The following CHAC1 variants were observed in gnomAD, a reference collection of about 807,000 sequenced individuals.
CHAC1 encodes the protein glutathione-specific gamma-glutamylcyclotransferase 1.
Under a neutral mutation model 22.1 loss-of-function variants are expected in CHAC1, and 22 were observed. That is an observed-to-expected ratio of 1.00 (90% confidence interval 0.71 to 1.42). The LOEUF (loss-of-function observed/expected upper bound fraction) is 1.42, where lower values mean the gene tolerates loss of function less well. Among genes scored for constraint, CHAC1 ranks in the 40% most tolerant of loss-of-function variants. CHAC1 has a pLI of 0.00. For missense variants in CHAC1, 272 were observed against 299.2 expected, an observed-to-expected ratio of 0.91 and a Z score of 0.67; for synonymous variants, 145 against 128.7, an observed-to-expected ratio of 1.13 and a Z score of -0.86.
intron 2 of CHAC1, 106 bp downstream of exon 2, chr15:40,954,369 C>A: frequency 8.6e-7 from 1 of 1,160,104 alleles, no homozygotes; most frequent in Non-Finnish European, 1.3e-6. Context: ...TGATGCTTCT[C>A]TGGCAGAGTA....
At chr15:40,953,849 G>T (rs372023541) in intron 1 of CHAC1, 35 bp downstream of exon 1, 1 of 1,510,584 alleles carries the variant, frequency 6.6e-7, no homozygotes, top group East Asian at 2.3e-5. Context: ...GAGTGAGGGG[G>T]TTGGGGGCGG....
At chr15:40,954,579 T>G in intron 2 of CHAC1, among the ~76,000 whole-genome samples, 1 of 134,726 alleles carries the variant, frequency 7.4e-6, no homozygotes, top group East Asian at 3.3e-4. Flanking sequence ...TCAACTGTTT[T>G]TTTTTTTTGT....
In CHAC1 at chr15:40,955,901, T is replaced by C. The variant is rs1382468589; in HGVS notation, c.*127T>C. 1.0e-5 allele frequency: 10 copies of C among 979,430 alleles called. No individual in the cohort carries two copies. The Admixed American group carries it at 1.2e-4, about 11-fold the overall frequency. 60.7% of individuals were successfully genotyped at this position (979,430 alleles called of 1,614,324 possible). A position where few individuals can be genotyped will look rare whatever the true frequency, so the allele number is the denominator to read the frequency against. ...TATGGTGGGTGGCTGGAGGCTTCTC[T>C]TTCTCAGTCCCTGCCTGTCTGCCAG... On this transcript the variant is annotated 3_prime_UTR_variant, in exon 3 of 3. Coordinates refer to ENST00000617768, the MANE Select transcript of CHAC1 (RefSeq NM_024111.6).
At position 40,955,258 on chromosome 15, in the gene CHAC1, C is replaced by T. The variant is rs1445696032; in HGVS notation, c.268-115C>T. 26 of 1,158,372 alleles carry T rather than the reference C, an allele frequency of 2.2e-5. No homozygotes were observed. The East Asian group carries it at 2.9e-4, about 13-fold the overall frequency. The allele number at this position is 1,158,372 out of a possible 1,614,324, so 71.8% of individuals were successfully genotyped here. ...TACTGCCACCAGATGGCTCATCAGC[C>T]GACCACAGCCTCCCTTATAGAGCAC... On this transcript the variant is annotated intron_variant, in intron 2 of 2. Coordinates refer to ENST00000617768, the MANE Select transcript of CHAC1 (RefSeq NM_024111.6).
In CHAC1 at chr15:40,954,604, TTTTG is replaced by T. The variant is rs1566886124; in HGVS notation, c.267+353_267+356del. Reference sequence around the variant, plus strand: ...TTTTTTTTTGTTGTTGTTGTTGTTGTTTTGTTTGTTTGTTTTTGAGACAGAGTCT... The same window carrying T: ...TTTTTTTTTGTTGTTGTTGTTGTTGTTTTGTTTGTTTTTGAGACAGAGTCT... On this transcript the variant is annotated intron_variant, in intron 2 of 2. Coordinates refer to ENST00000617768, the MANE Select transcript of CHAC1 (RefSeq NM_024111.6). 5.3e-5 allele frequency among the ~76,000 whole-genome samples: 8 copies of T among 151,922 alleles called. No individual in the cohort carries two copies. The East Asian group carries it at 5.8e-4, about 11-fold the overall frequency.
chr15:40,953,724 C>T lies in CHAC1; in HGVS notation c.141C>T (p.Phe47=), dbSNP rs922731000. Residue 47 remains phenylalanine (F), a synonymous_variant, in exon 1 of 3, where the codon TTC becomes TTT. Transcript: ENST00000617768. ...GYGSLVWRPD[F]AYSDSRVGFV... is the part of the protein sequence containing the mutation. ...GCTCCCTGGTGTGGAGGCCCGACTT[C>T]GCCTACAGCGACAGCCGTGTGGGCT... The T allele has an allele frequency of 1.9e-6, 3 of 1,604,300 alleles. No homozygotes were observed. The highest frequency in any genetic ancestry group is 2.5e-6 in the Non-Finnish European group (3 of 1,179,928).
Position 40,955,866 on chromosome 15 carries a change from A to G in CHAC1, c.*92A>G. The G allele has an allele frequency of 7.4e-7, 1 of 1,348,934 alleles. No homozygotes were observed. Among genetic ancestry groups the G allele is most frequent in the Non-Finnish European group, 9.9e-7 (1 of 1,014,110 alleles). 83.6% of individuals were successfully genotyped at this position (1,348,934 alleles called of 1,614,324 possible). ...GACAGACTTGCGACCGCTTGAGCCC[A>G]CTGAGCAGATATGGTGGGTGGCTGG... On this transcript the variant is annotated 3_prime_UTR_variant, in exon 3 of 3. Transcript: ENST00000617768.
At chr15:40,954,290 C>G in intron 2 of CHAC1, 27 bp downstream of exon 2, 1 of 1,613,340 alleles carries the variant, frequency 6.2e-7, no homozygotes, top group Non-Finnish European at 8.5e-7. Flanking sequence ...TGAAGGGGAA[C>G]CCTGGCCCAG....
chr15:40,954,024 A>G (rs754494382), intron 1 of CHAC1, among the ~76,000 whole-genome samples: 23 of 67,904 alleles, frequency 3.4e-4, no homozygotes, highest in Non-Finnish European at 7.6e-4. Context: ...TTGATCACCA[A>G]CTGGGACCAC....
chr15:40,955,385 G>A lies in CHAC1; in HGVS notation c.280G>A (p.Gly94Ser). The change falls in exon 3 of 3, where the codon GGC becomes AGC. Residue 94 changes from glycine (G) to serine (S), a missense_variant. Transcript: ENST00000617768. ...TATTTCTTCCCAGGGCTGCACTTGG[G>A]GCGTGGCATACCAAGTGCAAGGGGA... ...LLEDHEGCTW[G>S]VAYQVQGEQV... The A allele has an allele frequency of 1.9e-6, 3 of 1,613,862 alleles. No individual in the cohort carries two copies. The highest frequency in any genetic ancestry group is 2.5e-6 in the Non-Finnish European group (3 of 1,179,886).
In CHAC1 at chr15:40,953,532, C is replaced by T. The variant is rs1299004757; in HGVS notation, c.-52C>T. The T allele has an allele frequency of 1.9e-6, 3 of 1,605,622 alleles. No homozygotes were observed. Among genetic ancestry groups the T allele is most frequent in the African/African-American group, 1.3e-5 (1 of 75,010 alleles). ...GCGTCCGTCGGTCTTTCCGTGCCCA[C>T]GCCGGAGACCAGCCCCGGAGGCCGC... On this transcript the variant is annotated 5_prime_UTR_variant, in exon 1 of 3. It adds an upstream start codon to the 5' untranslated region. Transcript: ENST00000617768.
chr15:40,955,563 T>G lies in CHAC1; in HGVS notation c.458T>G (p.Leu153Arg), dbSNP rs1178798114. ...YVATPQNPGY[L>R]GPAPEEAIAT... is the part of the protein sequence containing the mutation. ...GCCACCCCACAGAACCCTGGTTACC[T>G]GGGCCCTGCGCCTGAAGAGGCCATT... The change falls in exon 3 of 3, where the codon CTG becomes CGG. Residue 153 changes from leucine (L) to arginine (R), a missense_variant. Transcript: ENST00000617768. 6.2e-7 allele frequency: 1 copy of G among 1,614,142 alleles called. No homozygotes were observed. The highest frequency in any genetic ancestry group is 1.7e-5 in the Admixed American group (1 of 60,038).
At position 40,953,809 on chromosome 15, in the gene CHAC1, A is replaced by G; in HGVS notation, c.226A>G (p.Lys76Glu). ...QGDTFHRGSD[K>E]MPGRVVTLLE... ...AGACACCTTCCATCGGGGCAGCGAC[A>G]AGATGGTGAGCATCCAACCGTGCCC... The change falls in exon 1 of 3, where the codon AAG becomes GAG. Residue 76 changes from lysine (K) to glutamate (E), a missense_variant. Coordinates refer to ENST00000617768, the MANE Select transcript of CHAC1 (RefSeq NM_024111.6). 1.9e-6 allele frequency: 3 copies of G among 1,589,808 alleles called. No homozygotes were observed. Among genetic ancestry groups the G allele is most frequent in the Non-Finnish European group, 2.6e-6 (3 of 1,173,854 alleles).
rs149942687 is a variant in CHAC1 at position 40,955,572 on chromosome 15, C to A, written c.467C>A (p.Ala156Glu). 5.0e-6 allele frequency: 8 copies of A among 1,614,080 alleles called. No homozygotes were observed. Among genetic ancestry groups the A allele is most frequent in the Middle Eastern group, 1.6e-4 (1 of 6,062 alleles). ...TPQNPGYLGP[A>E]PEEAIATQIL... is the part of the protein sequence containing the mutation. ...CAGAACCCTGGTTACCTGGGCCCTGCGCCTGAAGAGGCCATTGCCACGCAG... is the reference window on the plus strand; with the variant it reads ...CAGAACCCTGGTTACCTGGGCCCTGAGCCTGAAGAGGCCATTGCCACGCAG... The change falls in exon 3 of 3, where the codon GCG becomes GAG. Residue 156 changes from alanine to glutamate, a missense_variant. Transcript: ENST00000617768.
chr15:40,955,191 C>T (rs1893210600), intron 2 of CHAC1, among the ~76,000 whole-genome samples, 182 bp from the exon 3 acceptor site: 1 of 152,218 alleles, frequency 6.6e-6, no homozygotes, highest in South Asian at 2.1e-4. Context: ...CCACGCCTGG[C>T]CTTTCAACTG....
In CHAC1 at chr15:40,956,138, C is replaced by T. The variant is rs951587794; in HGVS notation, c.*364C>T. On this transcript the variant is annotated 3_prime_UTR_variant, in exon 3 of 3. Transcript: ENST00000617768. ...CTCCCCAGGGAGTCTCCAAGAGCCT[C>T]GATCCTCTGCTCACTCAGCCCAGCC... The T allele has an allele frequency of 1.9e-5, 4 of 207,330 alleles. No homozygotes were observed. The highest frequency in any genetic ancestry group is 5.2e-5 in the Admixed American group (1 of 19,262). 12.8% of individuals were successfully genotyped at this position (207,330 alleles called of 1,614,324 possible). A position where few individuals can be genotyped will look rare whatever the true frequency, so the allele number is the denominator to read the frequency against.
At chr15:40,955,312 T>A (rs946069934) in intron 2 of CHAC1, 61 bp from the exon 3 acceptor site, 33 of 1,575,008 alleles carry the variant, frequency 2.1e-5, no homozygotes, top group Non-Finnish European at 2.9e-5. Context: ...CATGTTAGGA[T>A]AGGAGAGGGA....
chr15:40,956,075 C>A lies in CHAC1; in HGVS notation c.*301C>A, dbSNP rs1893240472. ...TCCTGGAACTTGACCAGATTCCCCC[C>A]AGTGCTGCTGCTAACCCCACACCAC... On this transcript the variant is annotated 3_prime_UTR_variant, in exon 3 of 3. Transcript: ENST00000617768. The A allele has an allele frequency of 2.9e-6, 1 of 345,738 alleles. No homozygotes were observed. The highest frequency in any genetic ancestry group is 5.3e-6 in the Non-Finnish European group (1 of 188,584). 21.4% of individuals were successfully genotyped at this position (345,738 alleles called of 1,614,324 possible).
At chr15:40,953,913 G>T in intron 1 of CHAC1, 99 bp downstream of exon 1, 2 of 922,478 alleles carry the variant, frequency 2.2e-6, no homozygotes, top group Non-Finnish European at 3.2e-6. Flanking sequence ...CCAATAGAAA[G>T]AAATGTGTAA....
Sources: allele counts gnomAD v4.1 joint callset (sites outside exome capture counted in the v4.1 genomes callset), GRCh38; gene constraint gnomAD v4.1.1; transcripts MANE v1.5; gene names NCBI Gene and HGNC (gene_info 2026-07-23, HGNC 2026-07-21).